The following ERBB4 variants were observed in gnomAD, a reference collection of about 807,000 sequenced individuals.
ERBB4 encodes erb-b2 receptor tyrosine kinase 4.
ERBB4 carries 42 observed loss-of-function variants against 158.0 expected under a neutral mutation model. The observed-to-expected ratio is 0.27, with a 90% CI of 0.21 to 0.34. The LOEUF is 0.34. Ranked by LOEUF, ERBB4 falls within the 10% of genes least tolerant of loss-of-function variation. ERBB4 has a pLI of 1.00. For synonymous variants in ERBB4, 583 were observed against 558.7 expected (o/e 1.04, Z -0.61); for missense variants, 1,333 against 1,624.1 (o/e 0.82, Z 3.08).
At chr2:212,105,445 C>T (rs766344471) in intron 2 of ERBB4, among the ~76,000 whole-genome samples, 4 of 152,096 alleles carry the variant, frequency 2.6e-5, no homozygotes, top group South Asian at 2.1e-4. Flanking sequence ...TTGTCACTCC[C>T]GTTTTCAAAG....
chr2:211,464,674 A>G (rs1203982106), intron 20 of ERBB4, among the ~76,000 whole-genome samples: 2 of 152,136 alleles, frequency 1.3e-5, no homozygotes, highest in Non-Finnish European at 2.9e-5. Flanking sequence ...ACCCTATAGA[A>G]TCTTCAGAAT....
At chr2:211,611,564 G>A (rs930982656) in intron 19 of ERBB4, among the ~76,000 whole-genome samples, 1 of 152,014 alleles carries the variant, frequency 6.6e-6, no homozygotes, top group East Asian at 1.9e-4. Flanking sequence ...CGAACCCTTC[G>A]ATGAAGAAAA....
At position 211,558,204 on chromosome 2, in the gene ERBB4, G is replaced by C. The variant is rs112124652; in HGVS notation, c.2487+3699C>G. On this transcript the variant is annotated intron_variant, in intron 20 of 27. Coordinates refer to ENST00000342788, the MANE Select transcript of ERBB4 (RefSeq NM_005235.3). The stretch of plus-strand genomic sequence containing the variant: ...AGTTTCACCAGGCTATAAAATCAAG[G>C]AACAGGGAGGCCTGTATTTCTTCTG... 2.6e-3 allele frequency among the ~76,000 whole-genome samples: 393 copies of C among 152,268 alleles called. 3 individuals carry two copies. Among genetic ancestry groups the C allele is most frequent in the African/African-American group, 9.0e-3 (372 of 41,552 alleles).
chr2:212,228,994 A>G (rs980571638), intron 1 of ERBB4, among the ~76,000 whole-genome samples: 1 of 152,232 alleles, frequency 6.6e-6, no homozygotes, highest in Admixed American at 6.5e-5. Context: ...AAATATTGAC[A>G]AAATGCCCAA....
chr2:212,301,324 T>A (rs2371480), intron 1 of ERBB4, among the ~76,000 whole-genome samples: 1 of 151,010 alleles, frequency 6.6e-6, no homozygotes, highest in Non-Finnish European at 1.5e-5. Flanking sequence ...AAGCATCACA[T>A]GTATTCATTA....
intron 1 of ERBB4, among the ~76,000 whole-genome samples, chr2:212,126,213 C>T (rs7560757): frequency 0.1 from 15,305 of 151,956 alleles, 1,620 homozygotes; most frequent in African/African-American, 0.27. Flanking sequence ...CCTGTTATCG[C>T]AGCACTTTGG....
chr2:211,828,683 A>C (rs565932205), intron 3 of ERBB4, among the ~76,000 whole-genome samples: 19 of 152,292 alleles, frequency 1.2e-4, no homozygotes, highest in Non-Finnish European at 1.8e-4. Context: ...TGCCCCACAG[A>C]AATGTCTGGT....
At chr2:211,468,999 AAGCTG>A (rs1483499870) in intron 20 of ERBB4, among the ~76,000 whole-genome samples, 1 of 151,834 alleles carries the variant, frequency 6.6e-6, no homozygotes, top group Admixed American at 6.6e-5. Context: ...AGAGATGAGA[AAGCTG>A]ACAGCCCTCT....
At chr2:212,237,681 T>C (rs765229141) in intron 1 of ERBB4, among the ~76,000 whole-genome samples, 2 of 152,312 alleles carry the variant, frequency 1.3e-5, no homozygotes, top group Middle Eastern at 6.8e-3. Flanking sequence ...CACCCACAGC[T>C]GCCCCTTCTC....
chr2:212,333,918 A>G (rs1417533813), intron 1 of ERBB4, among the ~76,000 whole-genome samples: 1 of 152,016 alleles, frequency 6.6e-6, no homozygotes, highest in Non-Finnish European at 1.5e-5. Context: ...TTTCTGCTCC[A>G]CATGGACTCA....
chr2:211,937,008 T>A (rs2080342344), intron 3 of ERBB4, among the ~76,000 whole-genome samples: 1 of 152,188 alleles, frequency 6.6e-6, no homozygotes, highest in Non-Finnish European at 1.5e-5. Flanking sequence ...TATGTTATAA[T>A]TCTAGAAAAG....
chr2:211,543,829 T>C (rs961593), intron 20 of ERBB4, among the ~76,000 whole-genome samples: 45,042 of 150,968 alleles, frequency 0.3, 6,901 homozygotes, highest in Middle Eastern at 0.33. Context: ...GCCAGTCTTT[T>C]GGGAAATGCA....
chr2:211,531,027 C>A (rs1424913927), intron 20 of ERBB4, among the ~76,000 whole-genome samples: 1 of 152,064 alleles, frequency 6.6e-6, no homozygotes, highest in Non-Finnish European at 1.5e-5. Flanking sequence ...ATAGTAAACT[C>A]ATTTTTGACA....
chr2:212,299,864 C>T (rs529484518), intron 1 of ERBB4, among the ~76,000 whole-genome samples: 4 of 151,692 alleles, frequency 2.6e-5, no homozygotes, highest in South Asian at 4.2e-4. Context: ...CTGCATAGCA[C>T]GGCAGAAATT....
chr2:211,419,700 A>G (rs1281358792), intron 25 of ERBB4, among the ~76,000 whole-genome samples: 1 of 152,092 alleles, frequency 6.6e-6, no homozygotes, highest in Non-Finnish European at 1.5e-5. Flanking sequence ...TTGTATCAAA[A>G]TTCTTTGAGT....
At chr2:212,031,248 C>T (rs188846492) in intron 2 of ERBB4, among the ~76,000 whole-genome samples, 92 of 152,176 alleles carry the variant, frequency 6.0e-4, no homozygotes, top group African/African-American at 2.1e-3. Flanking sequence ...TTCCAGAAAT[C>T]GAGGTAAAAT....
intron 20 of ERBB4, among the ~76,000 whole-genome samples, chr2:211,452,075 T>C (rs1021583749): frequency 6.6e-6 from 1 of 152,192 alleles, no homozygotes; most frequent in African/African-American, 2.4e-5. Context: ...TTTCCTCCTA[T>C]ATATCCAGCA....
intron 2 of ERBB4, among the ~76,000 whole-genome samples, chr2:212,076,666 G>A (rs2078283456): frequency 6.6e-6 from 1 of 151,800 alleles, no homozygotes; most frequent in African/African-American, 2.4e-5. Context: ...CAGTTGGCAG[G>A]GTAAGAGAAA....
At chr2:211,681,679 A>G (rs2072339150) in intron 12 of ERBB4, among the ~76,000 whole-genome samples, 1 of 152,024 alleles carries the variant, frequency 6.6e-6, no homozygotes, top group Non-Finnish European at 1.5e-5. Context: ...AGTGCCACCA[A>G]ATCTTTTGCC....
Sources: gnomAD v4.1 joint callset for allele counts (sites outside exome capture counted in the v4.1 genomes callset) on GRCh38, gnomAD v4.1.1 for gene constraint, MANE v1.5 for transcripts, NCBI Gene and HGNC (gene_info 2026-07-23, HGNC 2026-07-21) for gene names.